TTC28: variants seen among roughly 807,000 people sequenced by gnomAD.
TTC28 encodes tetratricopeptide repeat protein 28.
A neutral mutation model predicts 198.0 loss-of-function variants in TTC28; 61 were observed. The observed-to-expected ratio is 0.31, with a 90% CI of 0.25 to 0.38. The LOEUF is 0.38. Among genes scored for constraint, TTC28 ranks in the 10% least tolerant of loss-of-function variants. The probability of loss-of-function intolerance (pLI) is 1.00; values close to 1 mark genes in which losing one functional copy is unlikely to be tolerated. For synonymous variants in TTC28, 1,171 were observed against 1,297.8 expected, an observed-to-expected ratio of 0.90 and a Z score of 2.10; for missense variants, 2,678 against 3,164.0, an observed-to-expected ratio of 0.85 and a Z score of 3.69.
At chr22:28,042,566 C>T (rs946602323) in intron 12 of TTC28, among the ~76,000 whole-genome samples, 7 of 151,964 alleles carry the variant, frequency 4.6e-5, no homozygotes, top group Non-Finnish European at 8.8e-5. Flanking sequence ...GAACATCATA[C>T]ACTGGGGCTT....
rs199705192 is a variant in TTC28 at position 28,444,079 on chromosome 22, TTTCA to T, written c.382-137440_382-137437del. 1.2e-3 allele frequency among the ~76,000 whole-genome samples: 182 copies of T among 152,226 alleles called. No individual in the cohort carries two copies. The East Asian group carries it at 0.032, about 27-fold the overall frequency. ...AAAAAATATTTCTATGGGGATTGAG[TTTCA>T]TTCATCTTCTGTGAAATCATTCCAT... On this transcript the variant is annotated intron_variant, in intron 2 of 22. Coordinates refer to ENST00000397906, the MANE Select transcript of TTC28 (RefSeq NM_001145418.2).
intron 13 of TTC28, among the ~76,000 whole-genome samples, chr22:28,017,871 C>T (rs908049041): frequency 2.6e-5 from 4 of 152,080 alleles, no homozygotes; most frequent in South Asian, 2.1e-4. Flanking sequence ...TCTTCAAGAA[C>T]CAGCGATTAA....
chr22:28,377,572 T>C (rs2046431175), intron 2 of TTC28, among the ~76,000 whole-genome samples: 1 of 152,122 alleles, frequency 6.6e-6, no homozygotes, highest in African/African-American at 2.4e-5. Flanking sequence ...TGTTTAAGTG[T>C]TCTTTACACT....
At chr22:28,245,841 C>G (rs1325370436) in intron 5 of TTC28, among the ~76,000 whole-genome samples, 2 of 152,184 alleles carry the variant, frequency 1.3e-5, no homozygotes, top group Non-Finnish European at 2.9e-5. Flanking sequence ...AATCAGGCTC[C>G]TTTCCAATCT....
At chr22:28,205,110 T>C (rs556744620) in intron 5 of TTC28, among the ~76,000 whole-genome samples, 1 of 152,240 alleles carries the variant, frequency 6.6e-6, no homozygotes, top group Non-Finnish European at 1.5e-5. Flanking sequence ...TTTTCATGTT[T>C]CTTTATTCCC....
chr22:28,194,614 C>T (rs1390519621), intron 5 of TTC28, among the ~76,000 whole-genome samples: 1 of 151,890 alleles, frequency 6.6e-6, no homozygotes, highest in Non-Finnish European at 1.5e-5. Flanking sequence ...CACCACCGAT[C>T]CCACAGAAAT....
chr22:28,098,409 C>G (rs1206172808), intron 10 of TTC28, among the ~76,000 whole-genome samples: 1 of 152,158 alleles, frequency 6.6e-6, no homozygotes, highest in Non-Finnish European at 1.5e-5. Flanking sequence ...CCGGACCCAC[C>G]AGACAAGAGA....
intron 6 of TTC28, among the ~76,000 whole-genome samples, chr22:28,138,319 T>C (rs2146981103): frequency 6.6e-6 from 1 of 152,358 alleles, no homozygotes; most frequent in South Asian, 2.1e-4. Context: ...GGTAAAGGGA[T>C]GCACTGCTAG....
intron 5 of TTC28, chr22:28,232,892 G>C (rs1468773667): frequency 6.6e-6 from 1 of 152,088 alleles, no homozygotes; most frequent in Non-Finnish European, 1.5e-5. Context: ...CCCGAGGTCA[G>C]GAGTTCAAGA....
intron 2 of TTC28, among the ~76,000 whole-genome samples, chr22:28,432,969 G>A (rs1207254882): frequency 6.6e-6 from 1 of 152,128 alleles, no homozygotes; most frequent in Non-Finnish European, 1.5e-5. Flanking sequence ...ACCAAAGTGG[G>A]CCTGTCAGAA....
chr22:28,075,939 G>A (rs754845825), intron 12 of TTC28, among the ~76,000 whole-genome samples: 14 of 152,190 alleles, frequency 9.2e-5, no homozygotes, highest in Admixed American at 8.5e-4. Context: ...GTAAGGCCAA[G>A]AATTCCAGCT....
intron 14 of TTC28, among the ~76,000 whole-genome samples, chr22:28,003,302 G>C (rs973987394): frequency 1.3e-5 from 2 of 152,158 alleles, no homozygotes; most frequent in African/African-American, 4.8e-5. Flanking sequence ...TGGCACAGCT[G>C]ATGCTGCCCT....
intron 12 of TTC28, among the ~76,000 whole-genome samples, chr22:28,085,523 G>T (rs569817420): frequency 2.0e-5 from 3 of 152,164 alleles, no homozygotes; most frequent in Non-Finnish European, 4.4e-5. Flanking sequence ...ACTAAACATG[G>T]AAAGGAACAA....
intron 12 of TTC28, among the ~76,000 whole-genome samples, chr22:28,047,755 T>A (rs965303062): frequency 2.6e-5 from 4 of 152,094 alleles, no homozygotes; most frequent in Non-Finnish European, 5.9e-5. Flanking sequence ...TTGGCAACAA[T>A]GGAACAAACC....
intron 2 of TTC28, among the ~76,000 whole-genome samples, chr22:28,543,462 GAAC>G (rs944582170): frequency 7.3e-5 from 11 of 149,802 alleles, no homozygotes; most frequent in Admixed American, 4.7e-4. Flanking sequence ...AGGAGGAGAT[GAAC>G]AACAACAGGA....
intron 1 of TTC28, among the ~76,000 whole-genome samples, chr22:28,647,850 A>C (rs1207406630): frequency 6.6e-6 from 1 of 151,566 alleles, no homozygotes; most frequent in Non-Finnish European, 1.5e-5. Context: ...AAAATAAAAT[A>C]AAATAAAATA....
intron 1 of TTC28, among the ~76,000 whole-genome samples, chr22:28,670,552 T>C (rs1160503121): frequency 6.6e-6 from 1 of 152,064 alleles, no homozygotes; most frequent in Admixed American, 6.6e-5. Context: ...CTGGAAATAA[T>C]ACTCCACTGG....
At chr22:28,085,921 T>C (rs1352657784) in intron 12 of TTC28, among the ~76,000 whole-genome samples, 2 of 152,268 alleles carry the variant, frequency 1.3e-5, no homozygotes, top group African/African-American at 2.4e-5. Flanking sequence ...AAGAAGGCCA[T>C]TACGTAATGG....
At chr22:28,166,438 A>G (rs895571733) in intron 5 of TTC28, among the ~76,000 whole-genome samples, 2 of 152,244 alleles carry the variant, frequency 1.3e-5, no homozygotes, top group Non-Finnish European at 2.9e-5. Flanking sequence ...AGCACTCCTC[A>G]GCAAATGTAA....
Sources: gnomAD v4.1 joint callset for allele counts (sites outside exome capture counted in the v4.1 genomes callset) on GRCh38, gnomAD v4.1.1 for gene constraint, MANE v1.5 for transcripts, NCBI Gene and HGNC (gene_info 2026-07-23, HGNC 2026-07-21) for gene names.